Variants in FREM2 observed in about 807,000 individuals in gnomAD.
FREM2 encodes FRAS1-related extracellular matrix protein 2.
FREM2 carries 119 observed loss-of-function variants against 219.9 expected under a neutral mutation model. That is an observed-to-expected ratio of 0.54 (90% confidence interval 0.47 to 0.63). The LOEUF is 0.63. Ranked by LOEUF, FREM2 falls within the 30% of genes least tolerant of loss-of-function variation. FREM2 has a pLI of 0.00. For synonymous variants in FREM2, 1,562 were observed against 1,522.8 expected (o/e 1.03, Z -0.60); for missense variants, 4,030 against 3,993.6 (o/e 1.01, Z -0.25).
intron 2 of FREM2, among the ~76,000 whole-genome samples, chr13:38,761,350 G>A (rs1019705200): frequency 4.6e-5 from 7 of 150,778 alleles, no homozygotes; most frequent in African/African-American, 1.5e-4. Flanking sequence ...ACAGGAGTGT[G>A]GCATAAAGGT....
intron 1 of FREM2, among the ~76,000 whole-genome samples, chr13:38,696,092 G>A (rs1181343491): frequency 2.6e-5 from 4 of 152,166 alleles, no homozygotes; most frequent in Admixed American, 6.5e-5. Flanking sequence ...AGGATTGCTT[G>A]AGGCCAGCCT....
intron 6 of FREM2, among the ~76,000 whole-genome samples, chr13:38,806,585 C>G (rs1158614543): frequency 6.6e-6 from 1 of 151,838 alleles, no homozygotes; most frequent in Non-Finnish European, 1.5e-5. Flanking sequence ...ATAAAAAATA[C>G]TTAAAATACT....
intron 2 of FREM2, among the ~76,000 whole-genome samples, chr13:38,732,068 T>A (rs745480656): frequency 6.6e-6 from 1 of 152,172 alleles, no homozygotes; most frequent in African/African-American, 2.4e-5. Context: ...GCAAGAGAAA[T>A]ATGAAATATA....
intron 6 of FREM2, among the ~76,000 whole-genome samples, chr13:38,820,767 C>T (rs2137876152): frequency 6.6e-6 from 1 of 152,212 alleles, no homozygotes; most frequent in South Asian, 2.1e-4. Flanking sequence ...AAACAGAGCA[C>T]TTCAAAGTCT....
intron 6 of FREM2, among the ~76,000 whole-genome samples, chr13:38,803,745 A>G (rs1244855910): frequency 2.0e-5 from 3 of 149,426 alleles, no homozygotes; most frequent in Non-Finnish European, 4.4e-5. Flanking sequence ...AAAAATTACC[A>G]TACTAGATAT....
intron 6 of FREM2, among the ~76,000 whole-genome samples, chr13:38,817,550 A>T (rs962328402): frequency 1.3e-4 from 20 of 152,148 alleles, no homozygotes; most frequent in African/African-American, 4.8e-4. Flanking sequence ...CTCTCACTAT[A>T]TATAAAAATC....
At chr13:38,731,038 T>A (rs986359230) in intron 2 of FREM2, among the ~76,000 whole-genome samples, 20 of 152,270 alleles carry the variant, frequency 1.3e-4, no homozygotes, top group African/African-American at 4.6e-4. Context: ...GGATTTAAAC[T>A]CTTTGGCAAA....
chr13:38,876,512 A>G, intron 20 of FREM2, 130 bp downstream of exon 20: 1 of 799,064 alleles, frequency 1.3e-6, no homozygotes, highest in South Asian at 1.5e-5. Context: ...AAGAAATCAG[A>G]CAGTTAAGGA....
At chr13:38,768,139 A>G (rs1873514705) in intron 3 of FREM2, among the ~76,000 whole-genome samples, 1 of 152,168 alleles carries the variant, frequency 6.6e-6, no homozygotes, top group African/African-American at 2.4e-5. Context: ...GTTCAGTTTC[A>G]TTTCTAGTTT....
intron 2 of FREM2, among the ~76,000 whole-genome samples, chr13:38,736,358 A>C (rs919180154): frequency 6.6e-6 from 1 of 152,176 alleles, no homozygotes; most frequent in Non-Finnish European, 1.5e-5. Context: ...TATGAAGGGA[A>C]CTTGTTTAAA....
chr13:38,868,212 C>G (rs913652866), intron 16 of FREM2, among the ~76,000 whole-genome samples: 2 of 152,100 alleles, frequency 1.3e-5, no homozygotes, highest in Admixed American at 1.3e-4. Context: ...GAGATATTGC[C>G]CTAATTTTCC....
intron 6 of FREM2, among the ~76,000 whole-genome samples, chr13:38,799,610 C>T (rs1387684079): frequency 6.6e-6 from 1 of 151,778 alleles, no homozygotes; most frequent in African/African-American, 2.4e-5. Context: ...TTTCTTTAGA[C>T]CTAGTAATAT....
rs1429045092 is a variant in FREM2, at chr13:38,880,586, C to A, written c.9309C>A (p.Asn3103Lys). 6.2e-7 allele frequency: 1 copy of A among 1,614,084 alleles called. No individual in the cohort carries two copies. The highest frequency in any genetic ancestry group is 1.7e-5 in the Admixed American group (1 of 60,030). Residue 3103 changes from asparagine to lysine, a missense_variant, in exon 24 of 24, where the codon AAC (asparagine) becomes AAA (lysine). This residue lies in a region of FREM2 where 928 missense variants were observed against 1,042.9 expected (regional missense o/e 0.89). Transcript: ENST00000280481. ...ATGGCATCCTCCCCTGGGAGCTCAA[C>A]AGCCCCAGCTCTGCAGTCAGCCTGG... is the stretch of plus-strand genomic sequence containing the variant. ...PPDGILPWELNSPSSAVSLVT... is the reference protein window; with the variant it reads ...PPDGILPWELKSPSSAVSLVT...
chr13:38,819,558 A>T (rs1287037954), intron 6 of FREM2, among the ~76,000 whole-genome samples: 2 of 152,132 alleles, frequency 1.3e-5, no homozygotes, highest in African/African-American at 4.8e-5. Flanking sequence ...TGGTTTTAGG[A>T]TATCAAGGTT....
At position 38,784,803 on chromosome 13, in the gene FREM2, A is replaced by G. The variant is rs1409079587; in HGVS notation, c.6014A>G (p.Asp2005Gly). ...CAAGTTACAATCGTTCCTGACAAAG[A>G]TGATGGTGAGTACTAATTTACTTGA... ...GAQVTIVPDK[D>G]DEPIFYFGDV... Residue 2005 changes from aspartate to glycine, a missense_variant, in exon 6 of 24, where the codon GAT (aspartate) becomes GGT (glycine). Physicochemically the swap from Asp to Gly is moderately conservative, Grantham distance 94 (BLOSUM62 -1). Coordinates refer to ENST00000280481, the MANE Select transcript of FREM2 (RefSeq NM_207361.6). 3 of 1,614,138 alleles carry G rather than the reference A, an allele frequency of 1.9e-6. No homozygotes were observed. Among genetic ancestry groups the G allele is most frequent in the East Asian group, 4.5e-5 (2 of 44,860 alleles).
At chr13:38,760,115 T>C (rs1265193017) in intron 2 of FREM2, among the ~76,000 whole-genome samples, 1 of 152,250 alleles carries the variant, frequency 6.6e-6, no homozygotes, top group African/African-American at 2.4e-5. Flanking sequence ...TTAAGCTTTA[T>C]AGACTGCATA....
chr13:38,858,964 G>C (rs78582891), intron 13 of FREM2, among the ~76,000 whole-genome samples: 1 of 136,568 alleles, frequency 7.3e-6, no homozygotes, highest in Non-Finnish European at 1.6e-5. Context: ...CTGGATAAGG[G>C]GGGTAAGATG....
chr13:38,715,392 C>T (rs1432016846), intron 2 of FREM2, among the ~76,000 whole-genome samples: 2 of 152,140 alleles, frequency 1.3e-5, no homozygotes, highest in Admixed American at 1.3e-4. Context: ...GAAAAGTGGA[C>T]TCTCTCCCCA....
intron 18 of FREM2, 93 bp downstream of exon 18, chr13:38,874,679 C>T: frequency 2.1e-6 from 2 of 947,860 alleles, no homozygotes; most frequent in Non-Finnish European, 3.5e-6. Flanking sequence ...TCTGTTACCA[C>T]TGAAGCCCTT....
Sources: allele counts gnomAD v4.1 joint callset (sites outside exome capture counted in the v4.1 genomes callset), GRCh38; gene constraint gnomAD v4.1.1; regional missense constraint gnomAD v4.1.1; transcripts MANE v1.5; gene names NCBI Gene and HGNC (gene_info 2026-07-23, HGNC 2026-07-21).